Variants in MRE11 observed in about 807,000 individuals in gnomAD.
MRE11 encodes the protein double-strand break repair protein MRE11.
A neutral mutation model predicts 91.7 loss-of-function variants in MRE11; 62 were observed. The observed-to-expected ratio is 0.68, with a 90% CI of 0.55 to 0.84. The LOEUF (loss-of-function observed/expected upper bound fraction) is 0.84. MRE11 is among the 40% of genes least tolerant of loss of function. The probability of loss-of-function intolerance (pLI) is 0.00; values close to 1 mark genes in which losing one functional copy is unlikely to be tolerated. For synonymous variants in MRE11, 273 were observed against 271.4 expected (o/e 1.01, Z -0.06); for missense variants, 796 against 852.9 (o/e 0.93, Z 0.83).
intron 19 of MRE11, among the ~76,000 whole-genome samples, chr11:94,429,239 A>G (rs1303153230): frequency 6.6e-6 from 1 of 152,218 alleles, no homozygotes; most frequent in Non-Finnish European, 1.5e-5. Context: ...ACATTGTTGG[A>G]ATGTAAATTC....
intron 19 of MRE11, among the ~76,000 whole-genome samples, chr11:94,426,279 TAA>T (rs1945311393): frequency 6.6e-6 from 1 of 151,978 alleles, no homozygotes; most frequent in Admixed American, 6.6e-5. Flanking sequence ...TTGAAATTAA[TAA>T]AAATTCATTC....
At chr11:94,452,673 T>G (rs1258854805) in intron 14 of MRE11, among the ~76,000 whole-genome samples, 2 of 152,196 alleles carry the variant, frequency 1.3e-5, no homozygotes, top group African/African-American at 4.8e-5. Flanking sequence ...ACCTTTCCTA[T>G]GAAAAACAGA....
upstream of MRE11, among the ~76,000 whole-genome samples, chr11:94,495,237 T>C (rs945735473): frequency 6.6e-6 from 1 of 152,200 alleles, no homozygotes; most frequent in Non-Finnish European, 1.5e-5. Context: ...GAAATCAGTA[T>C]CTTGGGGTTA....
chr11:94,462,313 TGGATAG>T (rs1946441573), intron 11 of MRE11, among the ~76,000 whole-genome samples: 1 of 152,214 alleles, frequency 6.6e-6, no homozygotes, highest in Non-Finnish European at 1.5e-5. Context: ...TCCATGCTCA[TGGATAG>T]GAAGAATCAA....
chr11:94,453,021 C>T (rs506888), intron 14 of MRE11, among the ~76,000 whole-genome samples: 3,209 of 152,268 alleles, frequency 0.021, 47 homozygotes, highest in Middle Eastern at 0.044. Flanking sequence ...CACTATTCTA[C>T]CTTCTGTTTC....
rs1945078201 is a variant in MRE11, at chr11:94,418,330, C to T, written c.*1795G>A. The T allele has an allele frequency of 4.3e-6, 1 of 232,956 alleles. No homozygotes were observed. The highest frequency in any genetic ancestry group is 1.8e-4 in the South Asian group (1 of 5,524). The allele number at this position is 232,956 out of a possible 1,614,324, so 14.4% of individuals were successfully genotyped here. On this transcript the variant is annotated 3_prime_UTR_variant, in exon 20 of 20. Coordinates refer to ENST00000323929, the MANE Select transcript of MRE11 (RefSeq NM_005591.4). ...CTGTAACTGCTATGTCATCACTTTC[C>T]TTAGCGGTGAACTGAATCGCATTTA... is the stretch of plus-strand genomic sequence containing the variant.
Position 94,490,946 on chromosome 11 carries a change from T to G in MRE11, c.40A>C (p.Lys14Gln). Residue 14 changes from lysine (K) to glutamine (Q), a missense_variant, in exon 3 of 20, where the codon AAA becomes CAA. Coordinates refer to ENST00000323929, the MANE Select transcript of MRE11 (RefSeq NM_005591.4). The stretch of plus-strand genomic sequence containing the variant: ...TGAATATCTGTTGCAACTAATATTT[T>G]AAATGTGTTTTCATCATCACTATAT... ...ADALDDENTFKILVATDIHLG... is the reference protein window; with the variant it reads ...ADALDDENTFQILVATDIHLG... 2.0e-6 allele frequency: 3 copies of G among 1,490,942 alleles called. No individual in the cohort carries two copies. In the Middle Eastern group the frequency reaches 5.6e-4, roughly 279 times the overall value. The allele number at this position is 1,490,942 out of a possible 1,614,324, so 92.4% of individuals were successfully genotyped here.
intron 10 of MRE11, chr11:94,466,680 C>T (rs1946573200): frequency 3.9e-6 from 1 of 254,118 alleles, no homozygotes; most frequent in East Asian, 1.2e-4. Context: ...TACTCTTTAC[C>T]TCCACAGTCT....
upstream of MRE11, chr11:94,496,694 A>C: frequency 6.4e-7 from 1 of 1,574,778 alleles, no homozygotes; most frequent in Non-Finnish European, 8.6e-7. Context: ...GTAGTAAAAA[A>C]TGGAAAAAGA....
At chr11:94,484,096 G>A (rs963833438) in intron 4 of MRE11, among the ~76,000 whole-genome samples, 11 of 152,100 alleles carry the variant, frequency 7.2e-5, no homozygotes, top group African/African-American at 2.4e-4. Flanking sequence ...AGAAGAAAAG[G>A]TGGGATATAT....
intron 18 of MRE11, among the ~76,000 whole-genome samples, chr11:94,431,286 G>T (rs761533039): frequency 6.6e-6 from 1 of 152,172 alleles, no homozygotes; most frequent in Non-Finnish European, 1.5e-5. Flanking sequence ...TTCAGAGGTA[G>T]CAGATTAGCA....
At chr11:94,475,191 T>C (rs1946818551) in intron 7 of MRE11, 1 of 153,938 alleles carries the variant, frequency 6.5e-6, no homozygotes, top group Non-Finnish European at 1.4e-5. Flanking sequence ...AAGATCGAAA[T>C]ATTCAGGAAA....
At chr11:94,434,538 T>TA (rs2134823279) in intron 18 of MRE11, among the ~76,000 whole-genome samples, 1 of 152,314 alleles carries the variant, frequency 6.6e-6, no homozygotes, top group East Asian at 1.9e-4. Flanking sequence ...GAAACACTGA[T>TA]ATAAGGCTTT....
At chr11:94,444,326 T>C (rs1030978865) in intron 16 of MRE11, among the ~76,000 whole-genome samples, 6 of 152,230 alleles carry the variant, frequency 3.9e-5, no homozygotes, top group South Asian at 2.1e-4. Flanking sequence ...GCCAATTTAG[T>C]ACACAGAGAG....
the MRE11 span, among the ~76,000 whole-genome samples, chr11:94,510,604 T>C: frequency 6.6e-6 from 1 of 152,246 alleles, no homozygotes; most frequent in African/African-American, 2.4e-5. Context: ...ATAGTGAATA[T>C]AAGTCATTTA....
chr11:94,491,744 T>A (rs1947289079), intron 2 of MRE11, among the ~76,000 whole-genome samples: 1 of 152,160 alleles, frequency 6.6e-6, no homozygotes, highest in Admixed American at 6.5e-5. Context: ...CTATTTTCAA[T>A]AAACCACAAT....
intron 9 of MRE11, 108 bp downstream of exon 9, chr11:94,470,363 G>A: frequency 9.0e-7 from 1 of 1,113,122 alleles, no homozygotes. Flanking sequence ...GGCTTCATGA[G>A]AATGTAATCA....
intron 3 of MRE11, among the ~76,000 whole-genome samples, chr11:94,488,076 G>A (rs1947187294): frequency 6.6e-6 from 1 of 152,168 alleles, no homozygotes; most frequent in South Asian, 2.1e-4. Flanking sequence ...TACAATTAAG[G>A]GACGCAGGGA....
chr11:94,506,796 A>T, the MRE11 span, among the ~76,000 whole-genome samples: 1 of 151,986 alleles, frequency 6.6e-6, no homozygotes, highest in African/African-American at 2.4e-5. Flanking sequence ...TGCTATGTTG[A>T]CCAGGCTGGT....
Sources: gnomAD v4.1 joint callset for allele counts (sites outside exome capture counted in the v4.1 genomes callset) on GRCh38, gnomAD v4.1.1 for gene constraint, MANE v1.5 for transcripts, NCBI Gene and HGNC (gene_info 2026-07-23, HGNC 2026-07-21) for gene names.